Variants in SLCO2A1 observed in about 807,000 individuals in gnomAD.
SLCO2A1 encodes the protein matrin F/G 1.
SLCO2A1 carries 60 observed loss-of-function variants against 71.7 expected under a neutral mutation model. The observed-to-expected ratio is 0.84, with a 90% CI of 0.68 to 1.04. The LOEUF is 1.04. SLCO2A1 is among the 50% of genes least tolerant of loss of function. The probability of loss-of-function intolerance (pLI) is 0.00; values close to 1 mark genes in which losing one functional copy is unlikely to be tolerated. For synonymous variants in SLCO2A1, 308 were observed against 326.7 expected (o/e 0.94, Z 0.62); for missense variants, 745 against 813.4 (o/e 0.92, Z 1.02).
At chr3:134,010,703 G>C (rs1039375144) in intron 1 of SLCO2A1, among the ~76,000 whole-genome samples, 14 of 143,072 alleles carry the variant, frequency 9.8e-5, no homozygotes, top group African/African-American at 3.7e-4. Flanking sequence ...GCAGTGAGCT[G>C]AGATCACAGC....
rs1935780074 is a variant in SLCO2A1, at chr3:134,029,604, G to A, written c.96+103C>T. ...CGGAGCGCGGCACAGGAGGGAGCCC[G>A]GGGCTCCCGGAGCCTCCTGGCTCCG... On this transcript the variant is annotated intron_variant, in intron 1 of 13. Coordinates refer to ENST00000310926, the MANE Select transcript of SLCO2A1 (RefSeq NM_005630.3). The A allele has an allele frequency of 1.5e-5, 13 of 870,632 alleles. No individual in the cohort carries two copies. The South Asian group carries it at 2.0e-4, about 14-fold the overall frequency. 53.9% of individuals were successfully genotyped at this position (870,632 alleles called of 1,614,324 possible). A position where few individuals can be genotyped will look rare whatever the true frequency, so the allele number is the denominator to read the frequency against.
At chr3:133,960,786 G>A (rs926243682) in intron 3 of SLCO2A1, among the ~76,000 whole-genome samples, 2 of 152,182 alleles carry the variant, frequency 1.3e-5, no homozygotes, top group African/African-American at 4.8e-5. Context: ...GGGAGCATAT[G>A]AGAGAGGCAG....
At chr3:134,025,876 A>T (rs992036803) in intron 1 of SLCO2A1, among the ~76,000 whole-genome samples, 2 of 152,206 alleles carry the variant, frequency 1.3e-5, no homozygotes. Flanking sequence ...CGCTCTCCTA[A>T]GCCAGTGTTT....
At position 133,934,559 on chromosome 3, in the gene SLCO2A1, G is replaced by T. The variant is rs1054693987; in HGVS notation, c.*154C>A. ...CCTTAGGAACTGTGGGGAGGACTCT[G>T]GGAGGAAGAGGTAGGGAAGGCAAAT... On this transcript the variant is annotated 3_prime_UTR_variant, in exon 14 of 14. Transcript: ENST00000310926. 7 of 593,020 alleles carry T rather than the reference G, an allele frequency of 1.2e-5. No individual in the cohort carries two copies. Among genetic ancestry groups the T allele is most frequent in the Non-Finnish European group, 2.1e-5 (7 of 333,234 alleles). 36.7% of individuals were successfully genotyped at this position (593,020 alleles called of 1,614,324 possible). A position where few individuals can be genotyped will look rare whatever the true frequency, so the allele number is the denominator to read the frequency against.
At chr3:134,004,106 G>GTGTA (rs1206639303) in intron 1 of SLCO2A1, among the ~76,000 whole-genome samples, 2 of 7,212 alleles carry the variant, frequency 2.8e-4, no homozygotes, top group Admixed American at 6.5e-3. Context: ...GTGTGTGTGT[G>GTGTA]TGTGTGTGTG....
chr3:133,952,324 A>G (rs1933764594), intron 5 of SLCO2A1, among the ~76,000 whole-genome samples: 1 of 152,222 alleles, frequency 6.6e-6, no homozygotes, highest in South Asian at 2.1e-4. Flanking sequence ...ACGGGAGTCT[A>G]GGCTCTAGCA....
intron 1 of SLCO2A1, among the ~76,000 whole-genome samples, chr3:134,018,138 C>T (rs73864033): frequency 0.12 from 18,894 of 152,084 alleles, 1,564 homozygotes; most frequent in East Asian, 0.37. Context: ...GTTCTCTCTT[C>T]CTTTCTCCCT....
intron 1 of SLCO2A1, among the ~76,000 whole-genome samples, chr3:134,021,865 G>T (rs575957445): frequency 1.6e-4 from 25 of 152,018 alleles, no homozygotes; most frequent in Non-Finnish European, 3.5e-4. Flanking sequence ...CCACTTTGTT[G>T]TCAGTGTAAA....
At position 133,967,150 on chromosome 3, in the gene SLCO2A1, C is replaced by A. The variant is rs141813519; in HGVS notation, c.397+6513G>T. ...GCAGCTTGCCTCCTGGACCCTCCCC[C>A]CAAGCAGACCTGTCACTCAGCTTCA... On this transcript the variant is annotated intron_variant, in intron 3 of 13. Coordinates refer to ENST00000310926, the MANE Select transcript of SLCO2A1 (RefSeq NM_005630.3). Among the ~76,000 whole-genome samples, 84 of 152,298 alleles carry A rather than the reference C, an allele frequency of 5.5e-4. 1 individual carries two copies. The East Asian group carries it at 0.014, about 25-fold the overall frequency.
chr3:133,974,224 C>T (rs1392373936), intron 2 of SLCO2A1, among the ~76,000 whole-genome samples: 1 of 152,022 alleles, frequency 6.6e-6, no homozygotes, highest in Admixed American at 6.6e-5. Context: ...AGAGTTTGTA[C>T]CTAAAGTTTA....
At chr3:134,026,672 G>A (rs775375748) in intron 1 of SLCO2A1, among the ~76,000 whole-genome samples, 3 of 152,050 alleles carry the variant, frequency 2.0e-5, no homozygotes, top group South Asian at 2.1e-4. Context: ...TAATAAAACC[G>A]GCAGAGCCTT....
chr3:133,944,029 T>C (rs1452066900), intron 10 of SLCO2A1, among the ~76,000 whole-genome samples: 1 of 152,256 alleles, frequency 6.6e-6, no homozygotes, highest in African/African-American at 2.4e-5. Flanking sequence ...CCTGGCCAGC[T>C]GGGTGTGACA....
At chr3:133,999,657 G>T (rs1353001917) in intron 1 of SLCO2A1, among the ~76,000 whole-genome samples, 6 of 152,170 alleles carry the variant, frequency 3.9e-5, no homozygotes, top group African/African-American at 1.4e-4. Context: ...GGAAAAGTGA[G>T]GCTGGAGCTG....
intron 1 of SLCO2A1, among the ~76,000 whole-genome samples, chr3:134,013,403 A>C (rs577486112): frequency 2.6e-5 from 4 of 152,276 alleles, no homozygotes; most frequent in African/African-American, 9.6e-5. Context: ...GTGACTCTGG[A>C]AGCCTGCTTT....
intron 6 of SLCO2A1, among the ~76,000 whole-genome samples, chr3:133,949,400 C>G (rs920049976): frequency 3.2e-4 from 48 of 152,166 alleles, no homozygotes; most frequent in African/African-American, 1.1e-3. Flanking sequence ...CGTCCTCCCC[C>G]TTTCTATCTC....
intron 1 of SLCO2A1, among the ~76,000 whole-genome samples, chr3:133,998,010 C>CT (rs1292907438): frequency 1.3e-5 from 2 of 152,170 alleles, no homozygotes; most frequent in Admixed American, 1.3e-4. Context: ...TGCTGGCTGT[C>CT]TTATGCCAGG....
intron 1 of SLCO2A1, among the ~76,000 whole-genome samples, chr3:134,010,557 G>T (rs372059241): frequency 6.6e-6 from 1 of 152,058 alleles, no homozygotes; most frequent in African/African-American, 2.4e-5. Flanking sequence ...TTCAAGACCA[G>T]CCTGACCAAC....
chr3:133,959,239 G>A (rs1196582715), intron 3 of SLCO2A1, among the ~76,000 whole-genome samples: 3 of 152,152 alleles, frequency 2.0e-5, no homozygotes, highest in Non-Finnish European at 4.4e-5. Context: ...CTGCTTGGGT[G>A]GGAGATGTGG....
At chr3:133,964,317 T>C (rs1934115801) in intron 3 of SLCO2A1, among the ~76,000 whole-genome samples, 1 of 152,218 alleles carries the variant, frequency 6.6e-6, no homozygotes, top group Admixed American at 6.5e-5. Flanking sequence ...ATACCTGTCT[T>C]ACAATATTCT....
Sources: allele counts gnomAD v4.1 joint callset (sites outside exome capture counted in the v4.1 genomes callset), GRCh38; gene constraint gnomAD v4.1.1; transcripts MANE v1.5; gene names NCBI Gene and HGNC (gene_info 2026-07-23, HGNC 2026-07-21).